Variants in SLC66A3 observed in about 807,000 individuals in gnomAD.
The protein encoded by SLC66A3 is solute carrier family 66 member 3.
SLC66A3 carries 23 observed loss-of-function variants against 25.5 expected under a neutral mutation model. The ratio of observed to expected loss-of-function variants is 0.90; its 90% CI spans 0.65 to 1.28. The LOEUF is 1.28. Among genes scored for constraint, SLC66A3 ranks in the 50% most tolerant of loss-of-function variants. SLC66A3 has a pLI of 0.00. For missense variants in SLC66A3, 246 were observed against 262.1 expected (o/e 0.94, Z 0.42); for synonymous variants, 108 against 112.6 (o/e 0.96, Z 0.26).
chr2:11,176,612 T>C (rs1349887742), intron 6 of SLC66A3, among the ~76,000 whole-genome samples: 2 of 130,396 alleles, frequency 1.5e-5, no homozygotes, highest in Admixed American at 9.1e-5. Flanking sequence ...CACTGCAAGC[T>C]CCGCCTCCCG....
chr2:11,155,687 A>G lies in SLC66A3; in HGVS notation c.141A>G (p.Ala47=). The G allele has an allele frequency of 9.0e-6, 13 of 1,436,770 alleles. No homozygotes were observed. Among genetic ancestry groups the G allele is most frequent in the Non-Finnish European group, 1.2e-5 (13 of 1,099,328 alleles). The allele number at this position is 1,436,770 out of a possible 1,614,324, so 89.0% of individuals were successfully genotyped here. The part of the protein sequence containing the change: ...LSLPSLLLEL[A]GFLVFLRYQC... ...TTCCGAGTTTACTTCTGGAGCTGGC[A>G]GGGTAAGGCCCGGGGCGGCCGGGGC... Residue 47 remains alanine (A), a splice_region_variant and synonymous_variant, in exon 1 of 7, where the codon GCA becomes GCG. Transcript: ENST00000295083.
intron 4 of SLC66A3, among the ~76,000 whole-genome samples, chr2:11,170,824 T>A (rs1487606491): frequency 7.9e-5 from 12 of 151,330 alleles, no homozygotes; most frequent in Non-Finnish European, 2.9e-5. Context: ...CTCCTGACCT[T>A]GTGATTCGTC....
chr2:11,155,769 G>C (rs1661874610), intron 1 of SLC66A3, 80 bp downstream of exon 1: 4 of 1,252,248 alleles, frequency 3.2e-6, no homozygotes, highest in African/African-American at 1.6e-5. Context: ...GCCTCGGCTC[G>C]AAGTAGGGCG....
intron 5 of SLC66A3, chr2:11,172,731 TTTC>T (rs1243531460): frequency 1.2e-5 from 5 of 433,512 alleles, no homozygotes; most frequent in South Asian, 8.3e-5. Context: ...CAAGACTTTC[TTTC>T]TTTTTTCCTT....
At chr2:11,163,904 A>G (rs1662211620) in intron 3 of SLC66A3, among the ~76,000 whole-genome samples, 1 of 152,244 alleles carries the variant, frequency 6.6e-6, no homozygotes, top group Non-Finnish European at 1.5e-5. Flanking sequence ...TGCATGGTCT[A>G]GAATTCAGTG....
intron 6 of SLC66A3, among the ~76,000 whole-genome samples, chr2:11,177,159 A>G (rs926859476): frequency 1.3e-5 from 2 of 152,276 alleles, no homozygotes; most frequent in East Asian, 3.9e-4. Flanking sequence ...GGGATTTTTA[A>G]AAGTTATAAC....
Position 11,175,028 on chromosome 2 carries a change from C to A in SLC66A3, c.517+19C>A. The A allele has an allele frequency of 6.3e-7, 1 of 1,582,834 alleles. No individual in the cohort carries two copies. Among genetic ancestry groups the A allele is most frequent in the South Asian group, 1.1e-5 (1 of 87,048 alleles). ...TTTACAAGTAAGCAAAATATCTTCT[C>A]ACTTCCTTTTTGAGTTTTGTGCTAT... On this transcript the variant is annotated intron_variant, in intron 6 of 6. Coordinates refer to ENST00000295083, the MANE Select transcript of SLC66A3 (RefSeq NM_152391.5).
intron 4 of SLC66A3, among the ~76,000 whole-genome samples, chr2:11,164,497 A>G (rs971826693): frequency 3.8e-5 from 4 of 106,010 alleles, no homozygotes; most frequent in Non-Finnish European, 7.5e-5. Context: ...ATGTGCCACC[A>G]CACCCAGCTA....
At chr2:11,165,481 C>G (rs1212054265) in intron 4 of SLC66A3, among the ~76,000 whole-genome samples, 1 of 151,238 alleles carries the variant, frequency 6.6e-6, no homozygotes, top group Non-Finnish European at 1.5e-5. Flanking sequence ...GAGGCGCTCC[C>G]CACATCTCAG....
At chr2:11,173,532 T>C (rs1056095992) in intron 5 of SLC66A3, among the ~76,000 whole-genome samples, 29 of 152,248 alleles carry the variant, frequency 1.9e-4, no homozygotes, top group African/African-American at 6.0e-4. Context: ...TTATGTGGTG[T>C]CTGTGTGTAA....
At chr2:11,159,053 C>G (rs930383484) in intron 1 of SLC66A3, among the ~76,000 whole-genome samples, 1 of 152,228 alleles carries the variant, frequency 6.6e-6, no homozygotes, top group Non-Finnish European at 1.5e-5. Flanking sequence ...GTTGTGGAGG[C>G]CAGCATGGAT....
chr2:11,162,236 C>T (rs2147986822), intron 3 of SLC66A3, among the ~76,000 whole-genome samples: 1 of 152,284 alleles, frequency 6.6e-6, no homozygotes, highest in East Asian at 1.9e-4. Flanking sequence ...GAGTCCTGAC[C>T]CTCTGCTGTT....
rs535797717 is a variant in SLC66A3 at position 11,170,821 on chromosome 2, C to T, written c.355-1104C>T. ...GGCCAGGCTGGTCTCAAACTCCTGA[C>T]CTTGTGATTCGTCCGCCTCAGCCTC... On this transcript the variant is annotated intron_variant, in intron 4 of 6. Transcript: ENST00000295083. Among the ~76,000 whole-genome samples the T allele has an allele frequency of 2.0e-5, 3 of 151,666 alleles. No individual in the cohort carries two copies. The East Asian group carries it at 5.9e-4, about 30-fold the overall frequency.
At chr2:11,162,487 G>A (rs4669696) in intron 3 of SLC66A3, among the ~76,000 whole-genome samples, 134,802 of 152,328 alleles carry the variant, frequency 0.88, 59,797 homozygotes, top group East Asian at 1. Flanking sequence ...GATACCACAT[G>A]GCTGGATGCT....
chr2:11,172,114 G>T, intron 5 of SLC66A3, 69 bp downstream of exon 5: 3 of 1,522,120 alleles, frequency 2.0e-6, no homozygotes, highest in Non-Finnish European at 2.7e-6. Context: ...AGGGTGTTAA[G>T]TTGGTGTTGA....
At chr2:11,163,596 C>T (rs1007400615) in intron 3 of SLC66A3, among the ~76,000 whole-genome samples, 1 of 152,236 alleles carries the variant, frequency 6.6e-6, no homozygotes, top group African/African-American at 2.4e-5. Context: ...AAGTGACTTG[C>T]CCAAGGGCAC....
intron 3 of SLC66A3, 107 bp downstream of exon 3, chr2:11,160,801 TAA>T (rs35227502): frequency 0.022 from 26,747 of 1,215,028 alleles, 440 homozygotes; most frequent in African/African-American, 0.14. Context: ...TTGGTTAAAC[TAA>T]AAAAAAAAAA....
At chr2:11,170,733 C>T (rs1297284196) in intron 4 of SLC66A3, among the ~76,000 whole-genome samples, 5 of 151,646 alleles carry the variant, frequency 3.3e-5, no homozygotes, top group African/African-American at 9.7e-5. Flanking sequence ...GGATTACAGG[C>T]GCCCGCCACT....
At chr2:11,168,278 G>A (rs1270745631) in intron 4 of SLC66A3, among the ~76,000 whole-genome samples, 1 of 147,592 alleles carries the variant, frequency 6.8e-6, no homozygotes, top group Admixed American at 6.8e-5. Context: ...GCAAGACTCT[G>A]TCTGAAAAAA....
Sources: allele counts gnomAD v4.1 joint callset (sites outside exome capture counted in the v4.1 genomes callset), GRCh38; gene constraint gnomAD v4.1.1; transcripts MANE v1.5; gene names NCBI Gene and HGNC (gene_info 2026-07-23, HGNC 2026-07-21).